ZNF827: variants seen among roughly 807,000 people sequenced by gnomAD.
The protein encoded by ZNF827 is zinc finger protein 827.
ZNF827 carries 13 observed loss-of-function variants against 102.4 expected under a neutral mutation model. The observed-to-expected ratio is 0.13, with a 90% CI of 0.08 to 0.20. The LOEUF (loss-of-function observed/expected upper bound fraction) is 0.20. Among genes scored for constraint, ZNF827 ranks in the 10% least tolerant of loss-of-function variants. The probability of loss-of-function intolerance (pLI) is 1.00; values close to 1 mark genes in which losing one functional copy is unlikely to be tolerated. For synonymous variants in ZNF827, 523 were observed against 536.2 expected, an observed-to-expected ratio of 0.98 and a Z score of 0.34; for missense variants, 1,103 against 1,344.4, an observed-to-expected ratio of 0.82 and a Z score of 2.81.
chr4:145,796,017 A>C (rs10010535), intron 8 of ZNF827, among the ~76,000 whole-genome samples: 43,545 of 152,098 alleles, frequency 0.29, 6,687 homozygotes, highest in African/African-American at 0.37. Context: ...TATCAGAAGC[A>C]GTAATAAATC....
chr4:145,809,879 G>A (rs1035596622), intron 8 of ZNF827, among the ~76,000 whole-genome samples: 3 of 152,252 alleles, frequency 2.0e-5, no homozygotes, highest in South Asian at 4.1e-4. Flanking sequence ...AGTTCCTGGG[G>A]AGACTCATCT....
At chr4:145,801,128 G>A (rs1185373267) in intron 8 of ZNF827, among the ~76,000 whole-genome samples, 2 of 151,886 alleles carry the variant, frequency 1.3e-5, no homozygotes, top group Non-Finnish European at 2.9e-5. Context: ...CTCTATCCAA[G>A]GTTAAGATGG....
chr4:145,801,538 C>A (rs1015651049), intron 8 of ZNF827, among the ~76,000 whole-genome samples: 1 of 152,124 alleles, frequency 6.6e-6, no homozygotes, highest in African/African-American at 2.4e-5. Flanking sequence ...GAAGTGTACT[C>A]TAAAAAGATA....
intron 5 of ZNF827, among the ~76,000 whole-genome samples, chr4:145,856,435 AC>A (rs1207150392): frequency 1.3e-5 from 2 of 152,018 alleles, no homozygotes; most frequent in Non-Finnish European, 2.9e-5. Context: ...TGAGGAGTGA[AC>A]TCCAATACTG....
intron 4 of ZNF827, among the ~76,000 whole-genome samples, chr4:145,877,634 A>G (rs1024141874): frequency 6.6e-6 from 1 of 152,190 alleles, no homozygotes; most frequent in Non-Finnish European, 1.5e-5. Context: ...AAGACTGTAA[A>G]GATTCCTATG....
At chr4:145,862,665 T>C (rs747765557) in intron 5 of ZNF827, among the ~76,000 whole-genome samples, 1 of 152,212 alleles carries the variant, frequency 6.6e-6, no homozygotes, top group African/African-American at 2.4e-5. Context: ...CCATCAGACA[T>C]ATAAAGAATG....
At chr4:145,796,316 A>T (rs1228317652) in intron 8 of ZNF827, among the ~76,000 whole-genome samples, 3 of 152,208 alleles carry the variant, frequency 2.0e-5, no homozygotes, top group Non-Finnish European at 4.4e-5. Flanking sequence ...TGTGCATAAA[A>T]TATCTCTGGA....
At chr4:145,802,693 C>A (rs568582067) in intron 8 of ZNF827, among the ~76,000 whole-genome samples, 1 of 152,246 alleles carries the variant, frequency 6.6e-6, no homozygotes, top group Non-Finnish European at 1.5e-5. Context: ...CGCAGTGGCT[C>A]ACGCCTGTAA....
rs1480261358 is a variant in ZNF827 at position 145,761,770 on chromosome 4, C to CTCCCTGCTGACAGAGCAG, written c.*18-190_*18-173dup. On this transcript the variant is annotated intron_variant, in intron 14 of 14. Coordinates refer to ENST00000508784, the MANE Select transcript of ZNF827 (RefSeq NM_001306215.2). The surrounding 1 kb of genome is among the most constrained non-coding windows in gnomAD (Gnocchi z 6.8). ...AGGGGTGGAACGGCCCTTTTTGGCT[C>CTCCCTGCTGACAGAGCAG]TCCCTGCTGACAGAGCAGTCCCCGC... Among the ~76,000 whole-genome samples, 8 of 152,184 alleles carry CTCCCTGCTGACAGAGCAG rather than the reference C, an allele frequency of 5.3e-5. No homozygotes were observed. Among genetic ancestry groups the CTCCCTGCTGACAGAGCAG allele is most frequent in the Non-Finnish European group, 1.0e-4 (7 of 68,014 alleles).
At chr4:145,769,363 G>A in intron 11 of ZNF827, among the ~76,000 whole-genome samples, 1 of 152,204 alleles carries the variant, frequency 6.6e-6, no homozygotes, top group East Asian at 1.9e-4. Context: ...TTTTAGCGGA[G>A]ACCCTGAATC....
In ZNF827 at chr4:145,762,578, G is replaced by A. The variant is rs772370697; in HGVS notation, c.*17+512C>T. Among the ~76,000 whole-genome samples the A allele has an allele frequency of 7.2e-5, 11 of 152,088 alleles. No individual in the cohort carries two copies. Among genetic ancestry groups the A allele is most frequent in the African/African-American group, 1.2e-4 (5 of 41,410 alleles). ...CAATTTAGGTAGATTCTGGAAGGGC[G>A]GATGCTGGTCCCAGCTCCATCACCT... On this transcript the variant is annotated intron_variant, in intron 14 of 14. Coordinates refer to ENST00000508784, the MANE Select transcript of ZNF827 (RefSeq NM_001306215.2). The surrounding 1 kb of genome is among the most constrained non-coding windows in gnomAD (Gnocchi z 4.9).
At chr4:145,921,217 C>T (rs1753039610) in intron 1 of ZNF827, among the ~76,000 whole-genome samples, 1 of 152,148 alleles carries the variant, frequency 6.6e-6, no homozygotes, top group African/African-American at 2.4e-5. Context: ...ATTTGCAGAA[C>T]AGATAGTTCA....
At chr4:145,876,685 T>C (rs1371423420) in intron 4 of ZNF827, 3 of 152,200 alleles carry the variant, frequency 2.0e-5, no homozygotes, top group South Asian at 2.1e-4. Context: ...ATTTCCCAAA[T>C]AACAGTTAAC....
At chr4:145,802,135 C>A (rs1740972742) in intron 8 of ZNF827, among the ~76,000 whole-genome samples, 2 of 152,152 alleles carry the variant, frequency 1.3e-5, no homozygotes, top group Non-Finnish European at 1.5e-5. Flanking sequence ...TCTAAGAGTT[C>A]AATTAAATGG....
At chr4:145,906,543 T>C (rs1330091613) in intron 1 of ZNF827, among the ~76,000 whole-genome samples, 3 of 152,174 alleles carry the variant, frequency 2.0e-5, no homozygotes, top group East Asian at 3.9e-4. Flanking sequence ...TGAGCAAGAA[T>C]ATTCCCCCTC....
At chr4:145,798,777 C>T (rs967379267) in intron 8 of ZNF827, among the ~76,000 whole-genome samples, 25 of 152,120 alleles carry the variant, frequency 1.6e-4, no homozygotes, top group Non-Finnish European at 2.8e-4. Context: ...GAAGGTTATC[C>T]GCTACATGAT....
chr4:145,857,643 A>C (rs1212037878), intron 5 of ZNF827, among the ~76,000 whole-genome samples: 2 of 152,202 alleles, frequency 1.3e-5, no homozygotes, highest in Admixed American at 1.3e-4. Context: ...TTTTGTCCAA[A>C]TCAAAATCAA....
intron 8 of ZNF827, among the ~76,000 whole-genome samples, chr4:145,782,362 T>G (rs1045076142): frequency 6.6e-6 from 1 of 152,144 alleles, no homozygotes; most frequent in Non-Finnish European, 1.5e-5. Flanking sequence ...GGAGCTGAGA[T>G]GAGATGAAGC....
chr4:145,807,590 G>A (rs936968758), intron 8 of ZNF827, among the ~76,000 whole-genome samples: 2 of 151,514 alleles, frequency 1.3e-5, no homozygotes, highest in Admixed American at 6.6e-5. Context: ...CTCTGCCTCA[G>A]CCTCCCAAAT....
Sources: allele counts gnomAD v4.1 joint callset (sites outside exome capture counted in the v4.1 genomes callset), GRCh38; gene constraint gnomAD v4.1.1; non-coding constraint Gnocchi (gnomAD v3.1); transcripts MANE v1.5; gene names NCBI Gene and HGNC (gene_info 2026-07-23, HGNC 2026-07-21).